Variants in RB1 observed in about 807,000 individuals in gnomAD.
The protein encoded by RB1 is retinoblastoma-associated protein.
In RB1, 18 loss-of-function variants were observed where a neutral mutation model predicts 135.4. The ratio of observed to expected loss-of-function variants is 0.13; its 90% CI spans 0.09 to 0.20. The LOEUF is 0.20. Ranked by LOEUF, RB1 falls within the 10% of genes least tolerant of loss-of-function variation. RB1 has a pLI of 1.00. For missense variants in RB1, 868 were observed against 1,110.0 expected (o/e 0.78, Z 3.10); for synonymous variants, 365 against 373.2 (o/e 0.98, Z 0.25).
At chr13:48,345,452 A>G (rs4151459) in intron 4 of RB1, among the ~76,000 whole-genome samples, 4 of 152,194 alleles carry the variant, frequency 2.6e-5, no homozygotes, top group Non-Finnish European at 5.9e-5. Flanking sequence ...CTTTAAGCTT[A>G]TCTCCCATTT....
intron 17 of RB1, among the ~76,000 whole-genome samples, chr13:48,392,569 GT>G (rs1322943493): frequency 2.0e-5 from 3 of 151,780 alleles, no homozygotes; most frequent in Admixed American, 1.3e-4. Flanking sequence ...TCTTACTATA[GT>G]TTTCATTTCT....
intron 17 of RB1, among the ~76,000 whole-genome samples, chr13:48,386,173 A>C (rs1320310439): frequency 6.6e-6 from 1 of 152,116 alleles, no homozygotes; most frequent in Middle Eastern, 3.2e-3. Flanking sequence ...AAAAACTAGA[A>C]TGGGAGCTTT....
rs1297224382 is a variant in RB1, at chr13:48,303,970, C to A, written c.58C>A (p.Pro20Thr). The change falls in exon 1 of 27, where the codon CCC becomes ACC. Residue 20 changes from proline (P) to threonine (T), a missense_variant. Coordinates refer to ENST00000267163, the MANE Select transcript of RB1 (RefSeq NM_000321.3). Reference sequence around the variant, plus strand: ...CACCGCCGCCGCTGCCGCCGCGGAACCCCCGGCACCGCCGCCGCCGCCCCC... The same window carrying A: ...CACCGCCGCCGCTGCCGCCGCGGAAACCCCGGCACCGCCGCCGCCGCCCCC... ...AATAAAAAAE[P>T]PAPPPPPPPE... The A allele has an allele frequency of 6.7e-7, 1 of 1,502,932 alleles. No homozygotes were observed. 93.1% of individuals were successfully genotyped at this position (1,502,932 alleles called of 1,614,324 possible). A position where few individuals can be genotyped will look rare whatever the true frequency, so the allele number is the denominator to read the frequency against.
At chr13:48,438,433 C>T (rs1010304204) in intron 17 of RB1, among the ~76,000 whole-genome samples, 10 of 152,096 alleles carry the variant, frequency 6.6e-5, no homozygotes, top group Non-Finnish European at 1.2e-4. Flanking sequence ...TAATCTCTTC[C>T]AAGAAGTTTT....
intron 17 of RB1, chr13:48,444,930 A>G (rs1949273602): frequency 6.6e-6 from 1 of 152,226 alleles, no homozygotes; most frequent in Non-Finnish European, 1.5e-5. Context: ...CAGTTTTTAT[A>G]TATTTTCAGT....
chr13:48,369,760 C>A (rs1031661777), intron 11 of RB1, among the ~76,000 whole-genome samples: 4 of 152,282 alleles, frequency 2.6e-5, no homozygotes, highest in Non-Finnish European at 5.9e-5. Context: ...CTTCATTCAG[C>A]ACAAATATTG....
intron 17 of RB1, among the ~76,000 whole-genome samples, chr13:48,442,455 T>C (rs770095350): frequency 2.4e-4 from 37 of 152,214 alleles, no homozygotes; most frequent in Non-Finnish European, 4.4e-4. Context: ...CAAATATTCA[T>C]CATAGATATT....
chr13:48,412,096 T>C, intron 17 of RB1: 1 of 1,613,304 alleles, frequency 6.2e-7, no homozygotes, highest in African/African-American at 1.3e-5. Flanking sequence ...TCTACACTAA[T>C]ACAGGTTAAG....
intron 17 of RB1, among the ~76,000 whole-genome samples, chr13:48,450,361 C>T (rs1457707603): frequency 3.3e-5 from 5 of 152,106 alleles, no homozygotes; most frequent in Admixed American, 6.6e-5. Context: ...GCCAATTCTC[C>T]GAGGACCATT....
chr13:48,366,980 A>AT (rs1240452681), intron 9 of RB1, among the ~76,000 whole-genome samples: 1 of 151,942 alleles, frequency 6.6e-6, no homozygotes, highest in Non-Finnish European at 1.5e-5. Flanking sequence ...TTAGCCGGGC[A>AT]TGGTAGCAGG....
At chr13:48,467,140 G>A (rs1457313287) in intron 23 of RB1, among the ~76,000 whole-genome samples, 41 of 62,168 alleles carry the variant, frequency 6.6e-4, no homozygotes, top group African/African-American at 2.3e-3. Context: ...AGGAAAAAAT[G>A]TTAAGGGCAG....
In RB1 at chr13:48,360,010, T is replaced by G. The variant is rs746360576; in HGVS notation, c.608-7T>G. 2.2e-5 allele frequency: 35 copies of G among 1,611,476 alleles called. No individual in the cohort carries two copies. Among genetic ancestry groups the G allele is most frequent in the Middle Eastern group, 1.7e-4 (1 of 5,970 alleles). ...ACTTTCTTTAAAAATGTACATTTTT[T>G]TTTCAGGGGAAGTATTACAAATGGA... is the stretch of plus-strand genomic sequence containing the variant. On this transcript the variant is annotated splice_region_variant and splice_polypyrimidine_tract_variant and intron_variant, in intron 6 of 26. Transcript: ENST00000267163.
chr13:48,319,622 A>G lies in RB1; in HGVS notation c.264+12216A>G. On this transcript the variant is annotated intron_variant, in intron 2 of 26. Coordinates refer to ENST00000267163, the MANE Select transcript of RB1 (RefSeq NM_000321.3). The surrounding 1 kb of genome is among the most constrained non-coding windows in gnomAD (Gnocchi z 5.0). ...TCTTTGCTAACCGGGGAGGTTTGCG[A>G]AAGGCGAACTCTTTATGGGCGCCCT... 3 of 254,828 alleles carry G rather than the reference A, an allele frequency of 1.2e-5. No individual in the cohort carries two copies. Among genetic ancestry groups the G allele is most frequent in the Non-Finnish European group, 2.4e-5 (3 of 125,168 alleles). The allele number at this position is 254,828 out of a possible 1,614,324, so 15.8% of individuals were successfully genotyped here.
chr13:48,343,877 A>G (rs938854229), intron 3 of RB1, among the ~76,000 whole-genome samples: 1 of 152,020 alleles, frequency 6.6e-6, no homozygotes, highest in Non-Finnish European at 1.5e-5. Flanking sequence ...TGGCTCCCCC[A>G]TTCCTTTCTG....
chr13:48,318,344 C>G (rs1952203908), intron 2 of RB1: 1 of 1,410,514 alleles, frequency 7.1e-7, no homozygotes, highest in African/African-American at 1.4e-5. Flanking sequence ...TGCACGCAGC[C>G]CTGGGTTCCC....
chr13:48,349,131 C>T (rs1003564996), intron 6 of RB1, 108 bp downstream of exon 6: 2 of 1,178,022 alleles, frequency 1.7e-6, no homozygotes, highest in Middle Eastern at 2.1e-4. Flanking sequence ...ACTCCTCCCT[C>T]ATTCTCTGCT....
intron 16 of RB1, 75 bp from the exon 17 acceptor site, chr13:48,381,172 A>G (rs1464601590): frequency 1.6e-5 from 24 of 1,506,500 alleles, no homozygotes; most frequent in Non-Finnish European, 1.9e-5. Context: ...TCTTTGTCTG[A>G]TAATAACTTC....
In RB1 at chr13:48,362,954, T is replaced by A. The variant is rs2138112877; in HGVS notation, c.858T>A (p.Asp286Glu). ...GTAAAGAACATGAATGTAATATAGATGAGGTAATTTAACTTCATGATTTCT... is the reference window on the plus strand; with the variant it reads ...GTAAAGAACATGAATGTAATATAGAAGAGGTAATTTAACTTCATGATTTCT... ...VLCKEHECNI[D>E]EVKNVYFKNF... The change falls in exon 8 of 27, where the codon GAT becomes GAA. Residue 286 changes from aspartate (D) to glutamate (E), a missense_variant. Transcript: ENST00000267163. 6.2e-7 allele frequency: 1 copy of A among 1,611,988 alleles called. No homozygotes were observed. Among genetic ancestry groups the A allele is most frequent in the Non-Finnish European group, 8.5e-7 (1 of 1,178,240 alleles).
chr13:48,371,985 T>G (rs1934244768), intron 11 of RB1, among the ~76,000 whole-genome samples: 3 of 152,180 alleles, frequency 2.0e-5, no homozygotes, highest in African/African-American at 7.2e-5. Context: ...CTAGATTGTA[T>G]GCTCCTTATG....
Sources: allele counts gnomAD v4.1 joint callset (sites outside exome capture counted in the v4.1 genomes callset), GRCh38; gene constraint gnomAD v4.1.1; non-coding constraint Gnocchi (gnomAD v3.1); transcripts MANE v1.5; gene names NCBI Gene and HGNC (gene_info 2026-07-23, HGNC 2026-07-21).